KIAA1217: variants seen among roughly 807,000 people sequenced by gnomAD.
KIAA1217 encodes the protein KIAA1217.
Under a neutral mutation model 163.9 loss-of-function variants are expected in KIAA1217, and 88 were observed. The observed-to-expected ratio is 0.54, with a 90% CI of 0.45 to 0.64. KIAA1217 has a LOEUF of 0.64. Ranked by LOEUF, KIAA1217 falls within the 30% of genes least tolerant of loss-of-function variation. The pLI, the probability that KIAA1217 is intolerant of heterozygous loss-of-function variation, is 0.00. For missense variants in KIAA1217, 2,372 were observed against 2,475.0 expected, an observed-to-expected ratio of 0.96 and a Z score of 0.88; for synonymous variants, 903 against 923.1, an observed-to-expected ratio of 0.98 and a Z score of 0.39.
At chr10:24,299,177 G>A (rs1265095391) in intron 2 of KIAA1217, among the ~76,000 whole-genome samples, 2 of 152,138 alleles carry the variant, frequency 1.3e-5, no homozygotes, top group African/African-American at 2.4e-5. Context: ...GAAGTTGACC[G>A]AGTTTTCTAC....
chr10:23,903,176 G>A (rs548318714), intron 1 of KIAA1217, among the ~76,000 whole-genome samples: 3 of 152,178 alleles, frequency 2.0e-5, no homozygotes, highest in African/African-American at 7.2e-5. Flanking sequence ...TTAGGTTTAT[G>A]TTAATTTATA....
intron 2 of KIAA1217, among the ~76,000 whole-genome samples, chr10:24,202,020 C>T (rs924955448): frequency 1.4e-4 from 21 of 152,176 alleles, no homozygotes; most frequent in African/African-American, 5.1e-4. Context: ...GGCGGCCCAG[C>T]CCCGGGTGCT....
intron 2 of KIAA1217, among the ~76,000 whole-genome samples, chr10:24,133,629 C>T (rs926071037): frequency 6.6e-6 from 1 of 151,906 alleles, no homozygotes; most frequent in Non-Finnish European, 1.5e-5. Flanking sequence ...TTACTTCAAC[C>T]CTGGGGATGG....
At chr10:24,062,244 C>T (rs888603047) in intron 2 of KIAA1217, among the ~76,000 whole-genome samples, 7 of 149,350 alleles carry the variant, frequency 4.7e-5, no homozygotes, top group Admixed American at 2.0e-4. Flanking sequence ...CCCATTAACT[C>T]GTCATTTAGC....
At chr10:24,040,059 C>T (rs781152309) in intron 2 of KIAA1217, among the ~76,000 whole-genome samples, 1 of 152,168 alleles carries the variant, frequency 6.6e-6, no homozygotes, top group Non-Finnish European at 1.5e-5. Context: ...TGGGATAAAA[C>T]CACCTGTTTT....
intron 3 of KIAA1217, among the ~76,000 whole-genome samples, chr10:24,400,819 G>A (rs1231478366): frequency 6.6e-6 from 1 of 152,120 alleles, no homozygotes; most frequent in Non-Finnish European, 1.5e-5. Flanking sequence ...ACCTATGTCT[G>A]AGAGGAATTC....
chr10:24,444,232 G>A (rs895251813), intron 5 of KIAA1217, among the ~76,000 whole-genome samples: 2 of 152,010 alleles, frequency 1.3e-5, no homozygotes, highest in East Asian at 1.9e-4. Context: ...GGCTGGTCTC[G>A]AACTCCTGAC....
At chr10:24,170,193 T>C (rs905347620) in intron 2 of KIAA1217, among the ~76,000 whole-genome samples, 1 of 152,222 alleles carries the variant, frequency 6.6e-6, no homozygotes, top group Admixed American at 6.5e-5. Context: ...GAAAAGACTT[T>C]ATTCTACATT....
chr10:24,303,040 G>A (rs1040076068), intron 2 of KIAA1217, among the ~76,000 whole-genome samples: 12 of 152,016 alleles, frequency 7.9e-5, no homozygotes, highest in African/African-American at 2.2e-4. Context: ...TAGAAATAGG[G>A]TCTTGCTCTG....
intron 1 of KIAA1217, among the ~76,000 whole-genome samples, chr10:23,717,888 C>T (rs573513258): frequency 4.7e-4 from 71 of 152,300 alleles, no homozygotes; most frequent in Non-Finnish European, 7.9e-4. Flanking sequence ...CAATGAGACT[C>T]AGGTCCTCAT....
intron 1 of KIAA1217, among the ~76,000 whole-genome samples, chr10:23,815,631 A>G (rs944486328): frequency 3.9e-5 from 6 of 152,292 alleles, no homozygotes; most frequent in South Asian, 4.1e-4. Flanking sequence ...GCGACAGAGC[A>G]AGACTCCATC....
intron 2 of KIAA1217, among the ~76,000 whole-genome samples, chr10:24,236,247 A>ATTCTTT (rs2072239390): frequency 6.6e-6 from 1 of 151,604 alleles, no homozygotes; most frequent in South Asian, 2.1e-4. Context: ...TTTCTTTTCC[A>ATTCTTT]TTCTTTTTCT....
At chr10:23,910,938 A>G (rs973500235) in intron 1 of KIAA1217, among the ~76,000 whole-genome samples, 1 of 152,190 alleles carries the variant, frequency 6.6e-6, no homozygotes, top group African/African-American at 2.4e-5. Flanking sequence ...TCAGGAGTAG[A>G]GTCAGCAATG....
At chr10:24,249,760 T>C (rs2074260613) in intron 2 of KIAA1217, among the ~76,000 whole-genome samples, 1 of 152,228 alleles carries the variant, frequency 6.6e-6, no homozygotes, top group African/African-American at 2.4e-5. Flanking sequence ...TGCGGAGAGA[T>C]ACCTGTAAAC....
intron 2 of KIAA1217, among the ~76,000 whole-genome samples, chr10:24,247,127 T>TTC: frequency 6.6e-6 from 1 of 150,738 alleles, no homozygotes; most frequent in South Asian, 2.1e-4. Context: ...TTCTTTTCTT[T>TTC]TTTTTTTTTT....
intron 3 of KIAA1217, among the ~76,000 whole-genome samples, chr10:24,419,188 A>AG: frequency 6.6e-6 from 1 of 151,536 alleles, no homozygotes; most frequent in Non-Finnish European, 1.5e-5. Flanking sequence ...AAAAAAAAAA[A>AG]AAGAAAGAAA....
intron 1 of KIAA1217, among the ~76,000 whole-genome samples, chr10:23,770,641 G>C (rs1182072552): frequency 1.3e-5 from 2 of 152,178 alleles, no homozygotes; most frequent in Non-Finnish European, 2.9e-5. Flanking sequence ...TTTTCTGAGA[G>C]AGTGATCATC....
chr10:23,775,516 G>C (rs960767079), intron 1 of KIAA1217, among the ~76,000 whole-genome samples: 12 of 152,128 alleles, frequency 7.9e-5, no homozygotes, highest in African/African-American at 2.9e-4. Context: ...GAGAAATGAG[G>C]TCAGGGCTGT....
chr10:23,955,544 G>C (rs958195286), intron 1 of KIAA1217, among the ~76,000 whole-genome samples: 2 of 152,128 alleles, frequency 1.3e-5, no homozygotes, highest in Non-Finnish European at 2.9e-5. Flanking sequence ...TTCTCCCAGT[G>C]TAAAGGAAAT....
Sources: gnomAD v4.1 joint callset for allele counts (sites outside exome capture counted in the v4.1 genomes callset) on GRCh38, gnomAD v4.1.1 for gene constraint, MANE v1.5 for transcripts, NCBI Gene and HGNC (gene_info 2026-07-23, HGNC 2026-07-21) for gene names.